The following NEK10 variants were observed in gnomAD, a reference collection of about 807,000 sequenced individuals.
NEK10 encodes the protein serine/threonine-protein kinase Nek10.
In NEK10, 122 loss-of-function variants were observed where a neutral mutation model predicts 159.8. That is an observed-to-expected ratio of 0.76 (90% CI 0.66 to 0.89). The LOEUF (loss-of-function observed/expected upper bound fraction) is 0.89. Ranked by LOEUF, NEK10 falls within the 40% of genes least tolerant of loss-of-function variation. The probability of loss-of-function intolerance (pLI) is 0.00; values close to 1 mark genes in which losing one functional copy is unlikely to be tolerated. For missense variants in NEK10, 1,342 were observed against 1,323.1 expected, an observed-to-expected ratio of 1.01 and a Z score of -0.22; for synonymous variants, 466 against 457.1, an observed-to-expected ratio of 1.02 and a Z score of -0.25.
chr3:27,279,011 T>C, intron 22 of NEK10: 1 of 688,574 alleles, frequency 1.5e-6, no homozygotes, highest in African/African-American at 1.9e-5. Context: ...CAAAAGATAG[T>C]CTTTCAAATG....
Position 27,290,736 on chromosome 3 carries a change from G to T in NEK10, c.1624C>A (p.Gln542Lys). Residue 542 changes from glutamine (Q) to lysine (K), a missense_variant, in exon 19 of 36, where the codon CAA becomes AAA. By Grantham distance (53) the Gln-to-Lys change is moderately conservative. Transcript: ENST00000691995. ...ACCTCTTTCATTGCTAAAAGATTTT[G>T]ACCACTATGCTTTCTAACCTAAAAT... ...CVYKVRKHSG[Q>K]NLLAMKEVNL... 6.2e-7 allele frequency: 1 copy of T among 1,607,426 alleles called. No individual in the cohort carries two copies. Among genetic ancestry groups the T allele is most frequent in the Non-Finnish European group, 8.5e-7 (1 of 1,176,230 alleles).
intron 23 of NEK10, among the ~76,000 whole-genome samples, chr3:27,243,349 G>A (rs1255746927): frequency 2.0e-5 from 3 of 152,108 alleles, no homozygotes; most frequent in African/African-American, 7.2e-5. Context: ...TCATTCACAA[G>A]AATAAGACAA....
chr3:27,316,367 T>G (rs1263700036), intron 6 of NEK10, among the ~76,000 whole-genome samples: 1 of 152,112 alleles, frequency 6.6e-6, no homozygotes, highest in Non-Finnish European at 1.5e-5. Context: ...GTCAAAGACA[T>G]CAGTCTATTT....
At chr3:27,205,581 A>G (rs1459288989) in intron 23 of NEK10, among the ~76,000 whole-genome samples, 7 of 135,014 alleles carry the variant, frequency 5.2e-5, no homozygotes, top group African/African-American at 1.5e-4. Context: ...GATCTTTGAC[A>G]AACCTGAGAA....
Position 27,153,155 on chromosome 3 carries a change from C to G in NEK10, c.2869+9546G>C, listed in dbSNP as rs534013917. 2.0e-5 allele frequency among the ~76,000 whole-genome samples: 3 copies of G among 152,100 alleles called. No homozygotes were observed. In the South Asian group the frequency reaches 6.2e-4, roughly 32 times the overall value. On this transcript the variant is annotated intron_variant, in intron 30 of 35. Transcript: ENST00000691995. The stretch of plus-strand genomic sequence containing the variant: ...CTAACATGGTGAAACCCCATCTCTA[C>G]TAAAAATACAAAAAATTAGCCGGGC...
At chr3:27,223,688 G>T (rs570837093) in intron 23 of NEK10, among the ~76,000 whole-genome samples, 1 of 151,986 alleles carries the variant, frequency 6.6e-6, no homozygotes, top group Admixed American at 6.5e-5. Context: ...AAGCATTGTG[G>T]CTCCTCAAGG....
chr3:27,306,577 A>T (rs73147899), intron 11 of NEK10, among the ~76,000 whole-genome samples: 3 of 152,186 alleles, frequency 2.0e-5, no homozygotes, highest in Non-Finnish European at 2.9e-5. Flanking sequence ...AAATTTGATC[A>T]TGCTTAAAAT....
chr3:27,173,393 T>C (rs891686933), intron 28 of NEK10, among the ~76,000 whole-genome samples: 10 of 152,224 alleles, frequency 6.6e-5, no homozygotes, highest in African/African-American at 1.9e-4. Context: ...CTTCTGGAAT[T>C]TGTTATACAT....
At chr3:27,169,709 A>G (rs933612908) in intron 29 of NEK10, among the ~76,000 whole-genome samples, 10 of 152,286 alleles carry the variant, frequency 6.6e-5, no homozygotes, top group Admixed American at 3.3e-4. Flanking sequence ...TCTGAACTTC[A>G]TTTATGTTAT....
chr3:27,348,012 CTT>C (rs1358501405), intron 3 of NEK10, among the ~76,000 whole-genome samples: 1 of 152,122 alleles, frequency 6.6e-6, no homozygotes, highest in East Asian at 1.9e-4. Flanking sequence ...TGTACATACT[CTT>C]TTAATCCTCA....
chr3:27,352,545 A>G lies in NEK10; in HGVS notation c.72-20T>C, dbSNP rs1169185710. On this transcript the variant is annotated intron_variant, in intron 2 of 35. Coordinates refer to ENST00000691995, the MANE Select transcript of NEK10 (RefSeq NM_001394966.1). ...TAGTCCCTAGGAGAGAGAATAACACAATGTGAACCCACAGAAGGCTCCAGG... is the reference window on the plus strand; with the variant it reads ...TAGTCCCTAGGAGAGAGAATAACACGATGTGAACCCACAGAAGGCTCCAGG... 2 of 1,574,604 alleles carry G rather than the reference A, an allele frequency of 1.3e-6. No individual in the cohort carries two copies. The highest frequency in any genetic ancestry group is 2.2e-5 in the South Asian group (2 of 89,926).
intron 32 of NEK10, among the ~76,000 whole-genome samples, chr3:27,126,448 C>T (rs1941953356): frequency 6.6e-6 from 1 of 152,100 alleles, no homozygotes. Flanking sequence ...AATATTTGGC[C>T]TATTAGATAA....
At chr3:27,299,034 C>T (rs984283180) in intron 13 of NEK10, among the ~76,000 whole-genome samples, 10 of 152,138 alleles carry the variant, frequency 6.6e-5, no homozygotes, top group Non-Finnish European at 1.3e-4. Context: ...GAAATTCAAG[C>T]CTGCTGCAGA....
intron 29 of NEK10, among the ~76,000 whole-genome samples, chr3:27,165,984 T>C (rs1257880466): frequency 6.6e-6 from 1 of 152,212 alleles, no homozygotes; most frequent in Non-Finnish European, 1.5e-5. Context: ...GTGTATTCCA[T>C]CATTTAATTC....
intron 30 of NEK10, among the ~76,000 whole-genome samples, chr3:27,148,870 G>A (rs532505549): frequency 6.6e-6 from 1 of 152,098 alleles, no homozygotes; most frequent in East Asian, 1.9e-4. Context: ...ATTTAGGCTT[G>A]AATTGGAACC....
intron 10 of NEK10, among the ~76,000 whole-genome samples, chr3:27,308,631 A>G (rs2044430023): frequency 6.6e-6 from 1 of 152,238 alleles, no homozygotes; most frequent in Admixed American, 6.5e-5. Flanking sequence ...GAAAGATTCA[A>G]CTGCCAAAGA....
chr3:27,168,093 G>A (rs769019375), intron 29 of NEK10, among the ~76,000 whole-genome samples: 8 of 152,066 alleles, frequency 5.3e-5, no homozygotes, highest in African/African-American at 1.2e-4. Flanking sequence ...CCAGGGCCAC[G>A]TCTGACTTCT....
At chr3:27,168,782 G>C (rs189990631) in intron 29 of NEK10, among the ~76,000 whole-genome samples, 191 of 152,220 alleles carry the variant, frequency 1.3e-3, no homozygotes, top group African/African-American at 4.3e-3. Context: ...GTTCACCTTG[G>C]AACATACTTT....
At chr3:27,142,768 G>A (rs1325236580) in intron 30 of NEK10, among the ~76,000 whole-genome samples, 1 of 152,076 alleles carries the variant, frequency 6.6e-6, no homozygotes, top group Non-Finnish European at 1.5e-5. Context: ...ACATGAAAAT[G>A]TATATTTAAG....
Sources: gnomAD v4.1 joint callset for allele counts (sites outside exome capture counted in the v4.1 genomes callset) on GRCh38, gnomAD v4.1.1 for gene constraint, MANE v1.5 for transcripts, NCBI Gene and HGNC (gene_info 2026-07-23, HGNC 2026-07-21) for gene names.